Variants in SPRED2 observed in about 807,000 individuals in gnomAD.
The protein encoded by SPRED2 is sprouty related EVH1 domain containing 2.
A neutral mutation model predicts 43.0 loss-of-function variants in SPRED2; 47 were observed. The ratio of observed to expected loss-of-function variants is 1.09; its 90% CI spans 0.87 to 1.40. SPRED2 has a LOEUF of 1.40. SPRED2 is among the 40% of genes most tolerant of loss of function. SPRED2 has a pLI of 0.00. For missense variants in SPRED2, 561 were observed against 586.4 expected (o/e 0.96, Z 0.45); for synonymous variants, 225 against 225.7 (o/e 1.00, Z 0.03).
At chr2:65,388,552 A>G (rs1393820694) in intron 1 of SPRED2, among the ~76,000 whole-genome samples, 1 of 152,074 alleles carries the variant, frequency 6.6e-6, no homozygotes, top group Non-Finnish European at 1.5e-5. Flanking sequence ...GGTGGCTGGG[A>G]GATGTCCTGG....
At position 65,344,731 on chromosome 2, in the gene SPRED2, CT is replaced by C; in HGVS notation, c.191del (p.Gln64ArgfsTer12). ...RSGFLIHGER[Q>X]KDKLVVLECY... ...TGTCTGCCATTACCAGTTTGTCTTT[CT>C]GTCGTTCACCATGGATGAGAAAGCC... On this transcript the variant is annotated frameshift_variant, in exon 2 of 6. Transcript: ENST00000356388. LOFTEE classifies it high-confidence loss of function. The C allele has an allele frequency of 6.2e-7, 1 of 1,614,068 alleles. No homozygotes were observed. Among genetic ancestry groups the C allele is most frequent in the Non-Finnish European group, 8.5e-7 (1 of 1,179,918 alleles).
chr2:65,316,133 C>T (rs973792951), intron 5 of SPRED2, among the ~76,000 whole-genome samples: 4 of 152,266 alleles, frequency 2.6e-5, no homozygotes, highest in African/African-American at 9.6e-5. Flanking sequence ...GCACCCCACA[C>T]AGGCACCAGT....
intron 4 of SPRED2, among the ~76,000 whole-genome samples, chr2:65,326,144 A>G (rs112700164): frequency 0.016 from 2,443 of 152,286 alleles, 65 homozygotes; most frequent in African/African-American, 0.056. Context: ...ATATATCTCA[A>G]TAGCTGATGT....
At chr2:65,397,747 C>T (rs1450884718) in intron 1 of SPRED2, among the ~76,000 whole-genome samples, 2 of 151,988 alleles carry the variant, frequency 1.3e-5, no homozygotes, top group Non-Finnish European at 2.9e-5. Context: ...TAGACATATC[C>T]CCCACTCCAA....
chr2:65,314,300 G>A (rs1208754389), intron 5 of SPRED2, 131 bp from the exon 6 acceptor site: 14 of 843,908 alleles, frequency 1.7e-5, no homozygotes, highest in Non-Finnish European at 7.1e-6. Flanking sequence ...ACGATGCTCC[G>A]TGAAGAAACA....
At chr2:65,388,877 C>G (rs1447028160) in intron 1 of SPRED2, among the ~76,000 whole-genome samples, 1 of 152,206 alleles carries the variant, frequency 6.6e-6, no homozygotes, top group African/African-American at 2.4e-5. Context: ...AGCCCACCCC[C>G]TCCTTGGCTC....
chr2:65,412,574 A>G (rs1458007947), intron 1 of SPRED2, among the ~76,000 whole-genome samples: 1 of 152,200 alleles, frequency 6.6e-6, no homozygotes, highest in African/African-American at 2.4e-5. Flanking sequence ...ACTGTTTAAG[A>G]GTGGATTTGC....
Position 65,362,709 on chromosome 2 carries a change from T to C in SPRED2, c.27-17813A>G, listed in dbSNP as rs183580256. ...CTCCATCTCTACCAAAAATACAAAA[T>C]TAGCCAGGCGTGGTGGTGCATGTCT... On this transcript the variant is annotated intron_variant, in intron 1 of 5. Coordinates refer to ENST00000356388, the MANE Select transcript of SPRED2 (RefSeq NM_181784.3). Among the ~76,000 whole-genome samples the C allele has an allele frequency of 1.5e-3, 221 of 152,054 alleles. 2 individuals carry two copies. The highest frequency in any genetic ancestry group is 5.0e-3 in the African/African-American group (206 of 41,518).
rs1388260118 is a variant in SPRED2, at chr2:65,316,797, C to T, written c.525G>A (p.Arg175=). The part of the protein sequence containing the change: ...TISSPTSCEH[R]RIYTLGHLHD... ...GGAGGTGGCCCAGGGTATAAATCCT[C>T]CGGTGCTCACAGGATGTGGGAGAGG... The change falls in exon 5 of 6, where the codon CGG becomes CGA. Residue 175 remains arginine (R), a synonymous_variant. Coordinates refer to ENST00000356388, the MANE Select transcript of SPRED2 (RefSeq NM_181784.3). 2 of 1,613,336 alleles carry T rather than the reference C, an allele frequency of 1.2e-6. No individual in the cohort carries two copies. Among genetic ancestry groups the T allele is most frequent in the Admixed American group, 1.7e-5 (1 of 59,862 alleles).
intron 1 of SPRED2, among the ~76,000 whole-genome samples, chr2:65,388,437 C>T (rs1051980434): frequency 1.3e-5 from 2 of 152,216 alleles, no homozygotes; most frequent in Non-Finnish European, 2.9e-5. Flanking sequence ...AAAGTACCTG[C>T]TCCTACTTGA....
intron 4 of SPRED2, among the ~76,000 whole-genome samples, chr2:65,322,264 C>G (rs369522431): frequency 1.8e-5 from 1 of 56,928 alleles, no homozygotes; most frequent in Non-Finnish European, 3.1e-5. Context: ...CTCTCTCTCT[C>G]TCTCTCTATA....
intron 1 of SPRED2, among the ~76,000 whole-genome samples, chr2:65,417,248 A>G (rs1276254829): frequency 1.3e-5 from 2 of 152,200 alleles, no homozygotes; most frequent in African/African-American, 4.8e-5. Context: ...AAGCATAGGT[A>G]ATGTTTCATA....
chr2:65,392,973 A>G (rs1675672671), intron 1 of SPRED2, among the ~76,000 whole-genome samples: 1 of 152,242 alleles, frequency 6.6e-6, no homozygotes, highest in Non-Finnish European at 1.5e-5. Context: ...CCTGCTACTC[A>G]ACAGCAAGAA....
chr2:65,369,425 C>A (rs1188659886), intron 1 of SPRED2, among the ~76,000 whole-genome samples: 1 of 152,146 alleles, frequency 6.6e-6, no homozygotes, highest in African/African-American at 2.4e-5. Context: ...TCCCAATAAG[C>A]CTGAAGAAAG....
At chr2:65,407,780 C>T (rs1314197662) in intron 1 of SPRED2, among the ~76,000 whole-genome samples, 1 of 152,156 alleles carries the variant, frequency 6.6e-6, no homozygotes, top group African/African-American at 2.4e-5. Context: ...GGGAACCTCC[C>T]CATAACTCCA....
chr2:65,395,271 C>A (rs1380624881), intron 1 of SPRED2, among the ~76,000 whole-genome samples: 4 of 152,214 alleles, frequency 2.6e-5, no homozygotes, highest in African/African-American at 9.7e-5. Flanking sequence ...TAGGTCCAGC[C>A]CTGATACCTG....
chr2:65,391,433 T>C (rs1207386719), intron 1 of SPRED2, among the ~76,000 whole-genome samples: 1 of 152,248 alleles, frequency 6.6e-6, no homozygotes. Context: ...ATGCACGTTT[T>C]AGGCAAACTT....
At chr2:65,339,095 GT>G (rs1482653395) in intron 2 of SPRED2, among the ~76,000 whole-genome samples, 45 of 88,458 alleles carry the variant, frequency 5.1e-4, no homozygotes, top group East Asian at 1.4e-3. Context: ...CGGGAGGGAG[GT>G]TGGGCGGGGG....
At chr2:65,315,570 G>A (rs990808250) in intron 5 of SPRED2, among the ~76,000 whole-genome samples, 3 of 152,166 alleles carry the variant, frequency 2.0e-5, no homozygotes, top group African/African-American at 7.2e-5. Flanking sequence ...AACAAATCTC[G>A]GAAACTGACA....
Sources: allele counts gnomAD v4.1 joint callset (sites outside exome capture counted in the v4.1 genomes callset), GRCh38; gene constraint gnomAD v4.1.1; transcripts MANE v1.5; gene names NCBI Gene and HGNC (gene_info 2026-07-23, HGNC 2026-07-21).